TEX9: variants seen among roughly 807,000 people sequenced by gnomAD.
The protein encoded by TEX9 is testis-expressed protein 9.
In TEX9, 74 loss-of-function variants were observed where a neutral mutation model predicts 59.6. That is an observed-to-expected ratio of 1.24 (90% CI 1.03 to 1.51). The LOEUF is 1.51. TEX9 is among the 40% of genes most tolerant of loss of function. The pLI is 0.00. For missense variants in TEX9, 522 were observed against 447.8 expected (o/e 1.17, Z -1.49); for synonymous variants, 186 against 152.2 (o/e 1.22, Z -1.64).
intron 1 of TEX9, among the ~76,000 whole-genome samples, chr15:56,248,562 C>G (rs2043923203): frequency 6.6e-6 from 1 of 152,140 alleles, no homozygotes; most frequent in Non-Finnish European, 1.5e-5. Flanking sequence ...ATGCTAGATC[C>G]CGCTTTGATT....
rs530583817 is a variant in TEX9, at chr15:56,348,416, C to A, written c.-106-25025C>A. 1.4e-3 allele frequency among the ~76,000 whole-genome samples: 212 copies of A among 152,136 alleles called. 1 individual carries two copies. Among genetic ancestry groups the A allele is most frequent in the African/African-American group, 4.7e-3 (197 of 41,542 alleles). On this transcript the variant is annotated intron_variant, in intron 1 of 5. Coordinates refer to the TEX9 transcript ENST00000560827. ...CAGCCTGAAGAACTTCTATAGCATT[C>A]TTTGTAGTATAAGTGACCTGATGAA... is the stretch of plus-strand genomic sequence containing the variant.
intron 1 of TEX9, among the ~76,000 whole-genome samples, chr15:56,354,180 G>T (rs1045189957): frequency 6.6e-6 from 1 of 152,152 alleles, no homozygotes; most frequent in Non-Finnish European, 1.5e-5. Flanking sequence ...GACAGAGACA[G>T]GAATCATTAT....
intron 10 of TEX9, among the ~76,000 whole-genome samples, chr15:56,418,120 C>T (rs111271357): frequency 3.3e-5 from 5 of 151,808 alleles, no homozygotes; most frequent in Admixed American, 1.3e-4. Context: ...TTGAGTCTTG[C>T]TTTTTTATCC....
At chr15:56,434,101 T>C (rs1455104269) in intron 12 of TEX9, 1 of 1,591,864 alleles carries the variant, frequency 6.3e-7, no homozygotes, top group African/African-American at 1.4e-5. Flanking sequence ...TGCTGTTTAA[T>C]GATAATGACC....
At chr15:56,325,210 G>A (rs550277886) in intron 1 of TEX9, among the ~76,000 whole-genome samples, 178 of 152,232 alleles carry the variant, frequency 1.2e-3, no homozygotes, top group African/African-American at 4.1e-3. Context: ...CATATAGTCC[G>A]CTTATTTATG....
chr15:56,376,669 G>C (rs1343875048), intron 3 of TEX9, among the ~76,000 whole-genome samples: 2 of 151,872 alleles, frequency 1.3e-5, no homozygotes, highest in Non-Finnish European at 2.9e-5. Context: ...CCTTGTCGAT[G>C]GGTAGTTTGA....
chr15:56,345,780 A>T (rs1422031095), intron 1 of TEX9, among the ~76,000 whole-genome samples: 3 of 152,188 alleles, frequency 2.0e-5, no homozygotes, highest in Admixed American at 1.3e-4. Context: ...AAGCACAGAG[A>T]AGACTGTGGA....
At chr15:56,280,950 C>T (rs1353939486) in intron 1 of TEX9, among the ~76,000 whole-genome samples, 1 of 152,292 alleles carries the variant, frequency 6.6e-6, no homozygotes, top group South Asian at 2.1e-4. Context: ...AGTTGACATT[C>T]ATAGCTTCAG....
At chr15:56,269,237 G>A (rs910714929) in intron 1 of TEX9, among the ~76,000 whole-genome samples, 3 of 152,026 alleles carry the variant, frequency 2.0e-5, no homozygotes, top group Non-Finnish European at 4.4e-5. Context: ...AGTCTTGCTA[G>A]CGGTCTATCA....
At chr15:56,421,728 G>C (rs2049985184) in intron 10 of TEX9, 1 of 151,580 alleles carries the variant, frequency 6.6e-6, no homozygotes, top group Non-Finnish European at 1.5e-5. Context: ...TTGGTTTTTT[G>C]TTCTTGCGAT....
At chr15:56,456,634 T>C in the TEX9 span, 1 of 1,029,858 alleles carries the variant, frequency 9.7e-7, no homozygotes, top group Non-Finnish European at 1.4e-6. Flanking sequence ...CAATTGATGA[T>C]GTTTTATTTT....
intron 3 of TEX9, chr15:56,374,675 A>G (rs1374666562): frequency 6.6e-6 from 1 of 152,134 alleles, no homozygotes; most frequent in Non-Finnish European, 1.5e-5. Flanking sequence ...CCTATTAACC[A>G]TCCTTATCTC....
chr15:56,279,685 C>A (rs550340839), intron 1 of TEX9, among the ~76,000 whole-genome samples: 1 of 152,178 alleles, frequency 6.6e-6, no homozygotes, highest in Non-Finnish European at 1.5e-5. Context: ...TTCAGTAATT[C>A]TTGGAAAGGG....
At chr15:56,386,812 GT>G (rs1295142606) in intron 4 of TEX9, among the ~76,000 whole-genome samples, 3 of 150,792 alleles carry the variant, frequency 2.0e-5, no homozygotes, top group African/African-American at 7.3e-5. Context: ...TTACCTATCA[GT>G]TTTTTTTTAA....
At chr15:56,329,913 G>A (rs1172592216) in intron 1 of TEX9, among the ~76,000 whole-genome samples, 1 of 151,882 alleles carries the variant, frequency 6.6e-6, no homozygotes, top group East Asian at 1.9e-4. Flanking sequence ...TAATATCCAA[G>A]TACAAGAAGG....
chr15:56,259,470 G>A (rs1182022835), intron 1 of TEX9, among the ~76,000 whole-genome samples: 7 of 151,842 alleles, frequency 4.6e-5, no homozygotes, highest in African/African-American at 1.7e-4. Flanking sequence ...TGTTTCATGT[G>A]AATTATTTAA....
chr15:56,351,421 C>T (rs1260315747), intron 1 of TEX9, among the ~76,000 whole-genome samples: 3 of 152,136 alleles, frequency 2.0e-5, no homozygotes, highest in Non-Finnish European at 4.4e-5. Context: ...AAGTAAAAAC[C>T]TCTCAGTTTG....
chr15:56,310,286 G>A lies in TEX9; in HGVS notation c.-106-63155G>A, dbSNP rs564563017. ...GTCTCTACTAAAGATACAAAAATTA[G>A]CCAGGTGTGGTGGTGCATGCCTGTA... On this transcript the variant is annotated intron_variant, in intron 1 of 5. Coordinates refer to the TEX9 transcript ENST00000560827. 1.3e-3 allele frequency among the ~76,000 whole-genome samples: 197 copies of A among 152,252 alleles called. 1 individual carries two copies. Among genetic ancestry groups the A allele is most frequent in the Non-Finnish European group, 2.3e-3 (159 of 68,020 alleles).
rs1461810094 is a variant in TEX9 at position 56,313,690 on chromosome 15, T to C, written c.-106-59751T>C. 1.7e-3 allele frequency among the ~76,000 whole-genome samples: 230 copies of C among 138,876 alleles called. 2 individuals are homozygous for C. The highest frequency in any genetic ancestry group is 5.9e-3 in the African/African-American group (223 of 37,970). 91.1% of individuals were successfully genotyped at this position (138,876 alleles called of 152,430 possible). On this transcript the variant is annotated intron_variant, in intron 1 of 5. Transcript: ENST00000560827. Reference sequence around the variant, plus strand: ...AAATGAGTTAGGGAGGATTCCCTCTTTTTCTATTGATTGGAATAGTTTTAG... The same window carrying C: ...AAATGAGTTAGGGAGGATTCCCTCTCTTTCTATTGATTGGAATAGTTTTAG...
Sources: gnomAD v4.1 joint callset for allele counts (sites outside exome capture counted in the v4.1 genomes callset) on GRCh38, gnomAD v4.1.1 for gene constraint, MANE v1.5 for transcripts, NCBI Gene and HGNC (gene_info 2026-07-23, HGNC 2026-07-21) for gene names.